FRMPD2: variants seen among roughly 807,000 people sequenced by gnomAD.
FRMPD2 encodes FERM and PDZ domain containing 2.
A neutral mutation model predicts 140.1 loss-of-function variants in FRMPD2; 96 were observed. The ratio of observed to expected loss-of-function variants is 0.69; its 90% CI spans 0.58 to 0.81. The LOEUF (loss-of-function observed/expected upper bound fraction) is 0.81, where lower values mean the gene tolerates loss of function less well. Among genes scored for constraint, FRMPD2 ranks in the 40% least tolerant of loss-of-function variants. FRMPD2 has a pLI of 0.00. For synonymous variants in FRMPD2, 449 were observed against 547.6 expected (o/e 0.82, Z 2.52); for missense variants, 1,240 against 1,447.4 (o/e 0.86, Z 2.32).
chr10:48,192,314 GC>G (rs1838848481), intron 16 of FRMPD2, among the ~76,000 whole-genome samples: 1 of 152,170 alleles, frequency 6.6e-6, no homozygotes, highest in Admixed American at 6.5e-5. Context: ...AGGCTTGGTG[GC>G]TCATGCCTGT....
intron 14 of FRMPD2, among the ~76,000 whole-genome samples, chr10:48,202,737 G>T (rs1381063872): frequency 6.6e-6 from 1 of 152,128 alleles, no homozygotes; most frequent in Admixed American, 6.6e-5. Flanking sequence ...ACACTGATAG[G>T]CTTTCATGCA....
intron 1 of FRMPD2, among the ~76,000 whole-genome samples, chr10:48,267,711 A>G (rs994388227): frequency 2.6e-5 from 4 of 152,268 alleles, no homozygotes; most frequent in Non-Finnish European, 5.9e-5. Flanking sequence ...TCATAGCAAC[A>G]TTATTTATAA....
intron 12 of FRMPD2, among the ~76,000 whole-genome samples, chr10:48,220,130 A>G (rs1839548451): frequency 6.6e-6 from 1 of 152,224 alleles, no homozygotes; most frequent in South Asian, 2.1e-4. Flanking sequence ...TACTATTCAA[A>G]GCAAGACTAA....
chr10:48,231,711 G>A (rs905955231), intron 10 of FRMPD2, among the ~76,000 whole-genome samples: 1 of 152,194 alleles, frequency 6.6e-6, no homozygotes, highest in African/African-American at 2.4e-5. Flanking sequence ...CGTCAGAGAG[G>A]GAAGAGGGTA....
At chr10:48,161,875 C>T (rs1324298329) in intron 28 of FRMPD2, among the ~76,000 whole-genome samples, 1 of 150,952 alleles carries the variant, frequency 6.6e-6, no homozygotes, top group African/African-American at 2.5e-5. Context: ...TTTTAAATAA[C>T]TATTGGCTAT....
rs765878042 is a variant in FRMPD2, at chr10:48,244,783, C to T, written c.375+1G>A. The T allele has an allele frequency of 6.2e-7, 1 of 1,611,688 alleles. No individual in the cohort carries two copies. The highest frequency in any genetic ancestry group is 8.5e-7 in the Non-Finnish European group (1 of 1,177,782). ...AGACTTGGAGTATCTTGTTTACAAA[C>T]CTGATGTGGCGGAACATGAAACCCT... On this transcript the variant is annotated splice_donor_variant, in intron 4 of 28. Coordinates refer to ENST00000374201, the MANE Select transcript of FRMPD2 (RefSeq NM_001018071.4). LOFTEE classifies it high-confidence loss of function.
chr10:48,260,467 G>T (rs557819299), intron 1 of FRMPD2, among the ~76,000 whole-genome samples: 1 of 152,106 alleles, frequency 6.6e-6, no homozygotes, highest in African/African-American at 2.4e-5. Context: ...TTCTATTACA[G>T]CCCTGAATAG....
At chr10:48,252,832 G>A (rs1265407454) in intron 1 of FRMPD2, among the ~76,000 whole-genome samples, 3 of 151,266 alleles carry the variant, frequency 2.0e-5, no homozygotes, top group Non-Finnish European at 4.4e-5. Flanking sequence ...ATTAGAAGCT[G>A]AACTCCAGGC....
chr10:48,222,027 T>C (rs983171302), intron 12 of FRMPD2, among the ~76,000 whole-genome samples: 1 of 151,240 alleles, frequency 6.6e-6, no homozygotes, highest in Non-Finnish European at 1.5e-5. Context: ...GATGGATAGA[T>C]GGATGGATAT....
At chr10:48,188,446 C>G (rs992341010) in intron 16 of FRMPD2, among the ~76,000 whole-genome samples, 3 of 152,224 alleles carry the variant, frequency 2.0e-5, no homozygotes, top group Admixed American at 6.5e-5. Context: ...CATGTTTGTG[C>G]TTGCCTTGCA....
intron 5 of FRMPD2, among the ~76,000 whole-genome samples, chr10:48,241,839 G>T (rs540731429): frequency 1.3e-5 from 2 of 152,132 alleles, no homozygotes; most frequent in Non-Finnish European, 2.9e-5. Context: ...CTGAATCATG[G>T]GTTCTAAACA....
chr10:48,216,347 C>A (rs1315932071), intron 12 of FRMPD2, among the ~76,000 whole-genome samples: 1 of 151,792 alleles, frequency 6.6e-6, no homozygotes, highest in African/African-American at 2.4e-5. Context: ...AGATGGATAT[C>A]TTATCAGTTC....
intron 20 of FRMPD2, among the ~76,000 whole-genome samples, chr10:48,181,943 T>G (rs1465638323): frequency 7.2e-6 from 1 of 137,988 alleles, no homozygotes; most frequent in Non-Finnish European, 1.6e-5. Context: ...TGGTAGAGCC[T>G]CAATAAATGT....
rs749615566 is a variant in FRMPD2, at chr10:48,249,151, C to T, written c.179G>A (p.Trp60Ter). The T allele has an allele frequency of 3.7e-6, 6 of 1,613,998 alleles. No homozygotes were observed. In the African/African-American group the frequency reaches 4.0e-5, roughly 11 times the overall value. The change falls in exon 3 of 29, where the codon TGG becomes TAG. Residue 60 changes from tryptophan (W) to a stop codon, truncating the protein, a stop_gained. Transcript: ENST00000374201. LOFTEE classifies it high-confidence loss of function. ...TCCAGCTGCAGAAAGCAGGGCTGAC[C>T]AGGGGCAAACCACATAGTCCGAGGA... ...NDSSDYVVCP[W>*]SALLSAAGSL...
chr10:48,232,728 T>C (rs900100555), intron 9 of FRMPD2, among the ~76,000 whole-genome samples: 1 of 152,204 alleles, frequency 6.6e-6, no homozygotes, highest in African/African-American at 2.4e-5. Context: ...GGTTAATTAA[T>C]TCTAAACTTC....
At chr10:48,223,027 A>T in intron 11 of FRMPD2, 96 bp downstream of exon 11, 2 of 1,087,274 alleles carry the variant, frequency 1.8e-6, no homozygotes, top group Non-Finnish European at 2.7e-6. Context: ...TATGTAATTT[A>T]CAGTTTGCAA....
At chr10:48,274,101 T>C (rs997956727) in intron 1 of FRMPD2, among the ~76,000 whole-genome samples, 1 of 152,226 alleles carries the variant, frequency 6.6e-6, no homozygotes. Context: ...CATGATTTAC[T>C]GGGCTACTCA....
chr10:48,245,491 C>T (rs746751378), intron 3 of FRMPD2, among the ~76,000 whole-genome samples: 16 of 152,226 alleles, frequency 1.1e-4, no homozygotes, highest in Non-Finnish European at 1.8e-4. Context: ...CTCTGACCCT[C>T]AGTTTCTTCA....
intron 10 of FRMPD2, among the ~76,000 whole-genome samples, chr10:48,227,113 T>A (rs1325400529): frequency 6.6e-6 from 1 of 152,226 alleles, no homozygotes; most frequent in African/African-American, 2.4e-5. Context: ...GTAAAAATTT[T>A]TTCTTGTCCC....
Sources: allele counts gnomAD v4.1 joint callset (sites outside exome capture counted in the v4.1 genomes callset), GRCh38; gene constraint gnomAD v4.1.1; transcripts MANE v1.5; gene names NCBI Gene and HGNC (gene_info 2026-07-23, HGNC 2026-07-21).